The following TTC7B variants were observed in gnomAD, a reference collection of about 807,000 sequenced individuals.
The protein encoded by TTC7B is tetratricopeptide repeat protein 7B.
In TTC7B, 28 loss-of-function variants were observed where a neutral mutation model predicts 106.8. The observed-to-expected ratio is 0.26, with a 90% confidence interval of 0.19 to 0.36. The LOEUF (loss-of-function observed/expected upper bound fraction) is 0.36, where lower values mean the gene tolerates loss of function less well. Among genes scored for constraint, TTC7B ranks in the 10% least tolerant of loss-of-function variants. TTC7B has a pLI of 1.00. For missense variants in TTC7B, 862 were observed against 1,076.4 expected (o/e 0.80, Z 2.79); for synonymous variants, 405 against 430.6 (o/e 0.94, Z 0.74).
In TTC7B at chr14:90,529,535, T is replaced by A. The variant is rs1393941768; in HGVS notation, c.*11833A>T. 6.6e-6 allele frequency: 1 copy of A among 152,222 alleles called. No individual in the cohort carries two copies. Among genetic ancestry groups the A allele is most frequent in the Non-Finnish European group, 1.5e-5 (1 of 68,048 alleles). 9.4% of individuals were successfully genotyped at this position (152,222 alleles called of 1,614,324 possible). ...GATGCTAGGAGAAAACATGAGCATGTGAGTGGCTAAGAGTATGGATTCTGG... is the reference window on the plus strand; with the variant it reads ...GATGCTAGGAGAAAACATGAGCATGAGAGTGGCTAAGAGTATGGATTCTGG... On this transcript the variant is annotated 3_prime_UTR_variant, in exon 20 of 20. Transcript: ENST00000328459.
chr14:90,664,095 G>A (rs746640673), intron 9 of TTC7B, among the ~76,000 whole-genome samples: 19 of 152,060 alleles, frequency 1.2e-4, no homozygotes, highest in Non-Finnish European at 2.6e-4. Context: ...TGTCACTGGG[G>A]GCTTTTGCTA....
At chr14:90,714,185 A>T (rs971350687) in intron 5 of TTC7B, among the ~76,000 whole-genome samples, 2 of 151,958 alleles carry the variant, frequency 1.3e-5, no homozygotes, top group African/African-American at 4.8e-5. Flanking sequence ...AGCCGAGATC[A>T]CGTCATCACA....
At chr14:90,676,477 A>C in intron 9 of TTC7B, 46 bp downstream of exon 9, 1 of 1,603,390 alleles carries the variant, frequency 6.2e-7, no homozygotes, top group South Asian at 1.1e-5. Flanking sequence ...GTCACCGTGC[A>C]ACTGCCACCC....
At chr14:90,606,752 C>T (rs748328463) in intron 17 of TTC7B, among the ~76,000 whole-genome samples, 1 of 152,146 alleles carries the variant, frequency 6.6e-6, no homozygotes, top group Non-Finnish European at 1.5e-5. Flanking sequence ...AACAAAATTC[C>T]ACTCTATTAG....
Position 90,613,755 on chromosome 14 carries a change from G to A in TTC7B, c.1869-2916C>T, listed in dbSNP as rs78430953. Reference sequence around the variant, plus strand: ...GAGCACTTCCCAAGGAGGGAGGCAGGAAGGGAGAGAAAACCATTCCTGGTG... The same window carrying A: ...GAGCACTTCCCAAGGAGGGAGGCAGAAAGGGAGAGAAAACCATTCCTGGTG... On this transcript the variant is annotated intron_variant, in intron 16 of 19. Transcript: ENST00000328459. Among the ~76,000 whole-genome samples, 237 of 152,374 alleles carry A rather than the reference G, an allele frequency of 1.6e-3. 5 individuals carry two copies. The East Asian group carries it at 0.04, about 26-fold the overall frequency.
rs202139869 is a variant in TTC7B at position 90,714,237 on chromosome 14, AG to A, written c.698+15837del. 3.8e-3 allele frequency among the ~76,000 whole-genome samples: 573 copies of A among 150,244 alleles called. 7 individuals are homozygous for A. Among genetic ancestry groups the A allele is most frequent in the Non-Finnish European group, 5.8e-3 (389 of 67,284 alleles). On this transcript the variant is annotated intron_variant, in intron 5 of 19. Transcript: ENST00000328459. ...AAGAGCGAAACTCTGTCTCAAAAAA[AG>A]AAAAAAAAAGTGAGACACAATCAAC... is the stretch of plus-strand genomic sequence containing the variant.
chr14:90,665,454 GA>G (rs1488513703), intron 9 of TTC7B, among the ~76,000 whole-genome samples: 1 of 152,200 alleles, frequency 6.6e-6, no homozygotes, highest in Non-Finnish European at 1.5e-5. Context: ...CCAGGAATGA[GA>G]AGCTTTTCTG....
chr14:90,676,052 C>A (rs554100739), intron 9 of TTC7B: 1 of 152,836 alleles, frequency 6.5e-6, no homozygotes, highest in South Asian at 2.1e-4. Context: ...AGGGTCCCTT[C>A]TGAACAAGCA....
intron 2 of TTC7B, among the ~76,000 whole-genome samples, chr14:90,781,236 T>C (rs1377037845): frequency 6.6e-6 from 1 of 152,184 alleles, no homozygotes; most frequent in East Asian, 1.9e-4. Flanking sequence ...CTTCCACGTG[T>C]ATGAAATGTC....
chr14:90,668,713 G>A (rs752077284), intron 9 of TTC7B, among the ~76,000 whole-genome samples: 1 of 151,640 alleles, frequency 6.6e-6, no homozygotes, highest in Non-Finnish European at 1.5e-5. Flanking sequence ...AGCATGTAAA[G>A]TAGCAGAACT....
chr14:90,791,526 C>T (rs1049494815), intron 1 of TTC7B, among the ~76,000 whole-genome samples: 6 of 152,250 alleles, frequency 3.9e-5, no homozygotes, highest in Admixed American at 1.3e-4. Context: ...TATCAGAGCA[C>T]GCGGCTGCCC....
chr14:90,785,390 C>T (rs1891352042), intron 2 of TTC7B, among the ~76,000 whole-genome samples: 1 of 152,058 alleles, frequency 6.6e-6, no homozygotes, highest in Non-Finnish European at 1.5e-5. Context: ...AAAGACTGTC[C>T]TCAGTGGGAA....
chr14:90,607,904 A>G (rs1416602049), intron 17 of TTC7B, among the ~76,000 whole-genome samples: 2 of 152,248 alleles, frequency 1.3e-5, no homozygotes, highest in African/African-American at 4.8e-5. Context: ...CTGGAAGGGT[A>G]AACAAAAAGC....
chr14:90,527,452 T>C lies in TTC7B; in HGVS notation c.*13916A>G, dbSNP rs1197321760. On this transcript the variant is annotated 3_prime_UTR_variant, in exon 20 of 20. Coordinates refer to ENST00000328459, the MANE Select transcript of TTC7B (RefSeq NM_001010854.2). Reference sequence around the variant, plus strand: ...CTCTGGTAGAAGTCCTAATAATCTCTAAACTTAGCAAATTCGCAGTTACAA... The same window carrying C: ...CTCTGGTAGAAGTCCTAATAATCTCCAAACTTAGCAAATTCGCAGTTACAA... 1.3e-5 allele frequency: 2 copies of C among 152,092 alleles called. No homozygotes were observed. Among genetic ancestry groups the C allele is most frequent in the Non-Finnish European group, 2.9e-5 (2 of 68,018 alleles). 9.4% of individuals were successfully genotyped at this position (152,092 alleles called of 1,614,324 possible).
chr14:90,664,841 A>G lies in TTC7B; in HGVS notation c.1153-6454T>C, dbSNP rs548306873. ...ATGCAGAAATACATGTGAAATGCTC[A>G]AAAGAGTGGCCCACAATGAAGGCTA... On this transcript the variant is annotated intron_variant, in intron 9 of 19. Transcript: ENST00000328459. 2.0e-5 allele frequency among the ~76,000 whole-genome samples: 3 copies of G among 152,322 alleles called. No homozygotes were observed. In the East Asian group the frequency reaches 5.8e-4, roughly 29 times the overall value.
chr14:90,573,165 C>T (rs1339038203), intron 19 of TTC7B, among the ~76,000 whole-genome samples: 1 of 152,194 alleles, frequency 6.6e-6, no homozygotes, highest in East Asian at 1.9e-4. Flanking sequence ...ATGGCCCCTT[C>T]ATGCTTTTAA....
chr14:90,707,928 C>A (rs1047709875), intron 5 of TTC7B, among the ~76,000 whole-genome samples: 1 of 151,974 alleles, frequency 6.6e-6, no homozygotes, highest in Non-Finnish European at 1.5e-5. Context: ...GGGCGGATCA[C>A]GAGGTTAGGA....
rs915611134 is a variant in TTC7B, at chr14:90,537,398, C to A, written c.*3970G>T. On this transcript the variant is annotated 3_prime_UTR_variant, in exon 20 of 20. Coordinates refer to ENST00000328459, the MANE Select transcript of TTC7B (RefSeq NM_001010854.2). ...TGGGGGGGGGGTCTCACCATGTTGC[C>A]CAGGCTGGTCTTGAACTCCTGGCCT... 2 of 146,772 alleles carry A rather than the reference C, an allele frequency of 1.4e-5. No individual in the cohort carries two copies. Among genetic ancestry groups the A allele is most frequent in the Non-Finnish European group, 3.0e-5 (2 of 67,700 alleles). 9.1% of individuals were successfully genotyped at this position (146,772 alleles called of 1,614,324 possible). A position where few individuals can be genotyped will look rare whatever the true frequency, so the allele number is the denominator to read the frequency against.
At chr14:90,784,795 G>T (rs1167936905) in intron 2 of TTC7B, among the ~76,000 whole-genome samples, 1 of 152,130 alleles carries the variant, frequency 6.6e-6, no homozygotes, top group Non-Finnish European at 1.5e-5. Flanking sequence ...CCCCCTAGGG[G>T]CCTGGGGCAA....
Sources: allele counts gnomAD v4.1 joint callset (sites outside exome capture counted in the v4.1 genomes callset), GRCh38; gene constraint gnomAD v4.1.1; transcripts MANE v1.5; gene names NCBI Gene and HGNC (gene_info 2026-07-23, HGNC 2026-07-21).